Variants in CAMSAP3 observed in about 807,000 individuals in gnomAD.
The protein encoded by CAMSAP3 is calmodulin-regulated spectrin-associated protein 3.
In CAMSAP3, 34 loss-of-function variants were observed where a neutral mutation model predicts 112.5. The observed-to-expected ratio is 0.30, with a 90% CI of 0.23 to 0.40. The LOEUF is 0.40. Among genes scored for constraint, CAMSAP3 ranks in the 10% least tolerant of loss-of-function variants. The pLI is 1.00. For synonymous variants in CAMSAP3, 868 were observed against 799.8 expected, an observed-to-expected ratio of 1.09 and a Z score of -1.44; for missense variants, 1,602 against 1,770.3, an observed-to-expected ratio of 0.90 and a Z score of 1.71.
Position 7,612,190 on chromosome 19 carries a change from G to T in CAMSAP3, c.1697G>T (p.Ser566Ile). The change falls in exon 11 of 17, where the codon AGC (serine) becomes ATC (isoleucine). Residue 566 changes from serine to isoleucine, a missense_variant. Physicochemically the swap from Ser to Ile is moderately radical, Grantham distance 142. This residue lies in a region of CAMSAP3 where 1,100 missense variants were observed against 1,135.7 expected (regional missense o/e 0.97). Coordinates refer to ENST00000160298, the MANE Select transcript of CAMSAP3 (RefSeq NM_020902.2). ...AATNSEVKMT[S>I]FAERKKQLVK... Reference sequence around the variant, plus strand: ...ACCAACTCCGAGGTGAAAATGACCAGCTTTGCAGAACGCAAGAAACAGCTG... The same window carrying T: ...ACCAACTCCGAGGTGAAAATGACCATCTTTGCAGAACGCAAGAAACAGCTG... 1 of 1,608,644 alleles carries T rather than the reference G, an allele frequency of 6.2e-7. No individual in the cohort carries two copies. Among genetic ancestry groups the T allele is most frequent in the Non-Finnish European group, 8.5e-7 (1 of 1,178,042 alleles).
chr19:7,617,783 T>C lies in CAMSAP3; in HGVS notation c.3476T>C (p.Leu1159Pro), dbSNP rs1365123740. ...GAGAAAAGCAAGGCCAACCACTTCC[T>C]GATCCTCTTTCGCGACTCGAGCTGC... is the stretch of plus-strand genomic sequence containing the variant. ...EIEKSKANHFLILFRDSSCQF... is the reference protein window; with the variant it reads ...EIEKSKANHFPILFRDSSCQF... Residue 1159 changes from leucine to proline, a missense_variant, in exon 17 of 17, where the codon CTG becomes CCG. By Grantham distance (98) the Leu-to-Pro change is moderately conservative (BLOSUM62 -3). Around this residue, in one of 6 missense-constraint regions of CAMSAP3, gnomAD observed 150 missense variants for 207.6 expected, o/e 0.72. Transcript: ENST00000160298. This position sits in a 1 kb window ranked among gnomAD's most constrained non-coding sequence, Gnocchi z 7.5. The C allele has an allele frequency of 6.2e-7, 1 of 1,613,592 alleles. No homozygotes were observed. Among genetic ancestry groups the C allele is most frequent in the Admixed American group, 1.7e-5 (1 of 60,028 alleles).
At chr19:7,609,348 G>T (rs893195980) in intron 5 of CAMSAP3, among the ~76,000 whole-genome samples, 1 of 150,618 alleles carries the variant, frequency 6.6e-6, no homozygotes, top group Non-Finnish European at 1.5e-5. Flanking sequence ...ATAAAATAGA[G>T]ATGGGGTCTT....
At chr19:7,608,026 C>A in intron 4 of CAMSAP3, 100 bp from the exon 5 acceptor site, 1 of 1,440,868 alleles carries the variant, frequency 6.9e-7, no homozygotes, top group South Asian at 1.2e-5. Flanking sequence ...AGCTTCCCGC[C>A]CCCTCATGGC....
Position 7,595,895 on chromosome 19 carries a change from GGCGGCA to G in CAMSAP3, c.-102_-97del. On this transcript the variant is annotated 5_prime_UTR_variant, in exon 1 of 17. Transcript: ENST00000160298. ...GCTCAGCAGCGGCGGCGGCGGCGGCGGCGGCAGCGGCGGTAGCAGCAGCGGGCCCGG... is the reference window on the plus strand; with the variant it reads ...GCTCAGCAGCGGCGGCGGCGGCGGCGGCGGCGGTAGCAGCAGCGGGCCCGG... The G allele has an allele frequency of 2.2e-6, 1 of 460,792 alleles. No individual in the cohort carries two copies. Among genetic ancestry groups the G allele is most frequent in the Non-Finnish European group, 2.8e-6 (1 of 352,396 alleles). The allele number at this position is 460,792 out of a possible 1,614,324, so 28.5% of individuals were successfully genotyped here.
intron 1 of CAMSAP3, among the ~76,000 whole-genome samples, 187 bp from the exon 2 acceptor site, chr19:7,605,039 C>T (rs1377690694): frequency 6.6e-6 from 1 of 152,082 alleles, no homozygotes; most frequent in Non-Finnish European, 1.5e-5. Flanking sequence ...CGCCATCACC[C>T]CTTCCTCCAG....
intron 1 of CAMSAP3, among the ~76,000 whole-genome samples, chr19:7,603,950 A>G (rs560766333): frequency 1.3e-5 from 2 of 152,226 alleles, no homozygotes; most frequent in East Asian, 3.9e-4. Context: ...GCCTGGCCAA[A>G]ATGGTGATAA....
chr19:7,616,954 T>G lies in CAMSAP3; in HGVS notation c.3212+332T>G, dbSNP rs1217220851. On this transcript the variant is annotated intron_variant, in intron 14 of 16. Coordinates refer to ENST00000160298, the MANE Select transcript of CAMSAP3 (RefSeq NM_020902.2). ...CCCGCCTTTTTTTTTTTTTTTTTTT[T>G]TTTTGTTTTTTTGAGAGGGAGTCTT... Among the ~76,000 whole-genome samples the G allele has an allele frequency of 2.5e-3, 308 of 124,348 alleles. 2 individuals are homozygous for G. Among genetic ancestry groups the G allele is most frequent in the African/African-American group, 7.6e-3 (257 of 33,632 alleles). The allele number at this position is 124,348 out of a possible 152,430, so 81.6% of individuals were successfully genotyped here.
Position 7,611,986 on chromosome 19 carries a change from C to G in CAMSAP3, c.1493C>G (p.Ser498Cys), listed in dbSNP as rs2030516873. The G allele has an allele frequency of 6.2e-7, 1 of 1,612,390 alleles. No individual in the cohort carries two copies. The highest frequency in any genetic ancestry group is 8.5e-7 in the Non-Finnish European group (1 of 1,179,832). Residue 498 changes from serine to cysteine, a missense_variant, in exon 11 of 17, where the codon TCC (serine) becomes TGC (cysteine). This residue lies in a region of CAMSAP3 where 1,100 missense variants were observed against 1,135.7 expected (regional missense o/e 0.97). Coordinates refer to ENST00000160298, the MANE Select transcript of CAMSAP3 (RefSeq NM_020902.2). This position sits in a 1 kb window ranked among gnomAD's most constrained non-coding sequence, Gnocchi z 6.9. ...GGGCCCTCCAAGCCATCCCTGGCCT[C>G]CCCCTACCTGCCCGAGGGGACCTCC... Reference protein sequence around the residue: ...PEGPSKPSLASPYLPEGTSKP... With the variant: ...PEGPSKPSLACPYLPEGTSKP...
rs906661967 is a variant in CAMSAP3 at position 7,613,180 on chromosome 19, G to T, written c.2670+17G>T. On this transcript the variant is annotated intron_variant, in intron 11 of 16. Transcript: ENST00000160298. ...TTCTACAAGGTGAGTCCCCGAGCAGGTGGCTGGAGGGTCCTGGGCCTGGGG... is the reference window on the plus strand; with the variant it reads ...TTCTACAAGGTGAGTCCCCGAGCAGTTGGCTGGAGGGTCCTGGGCCTGGGG... 1.6e-5 allele frequency: 23 copies of T among 1,467,074 alleles called. No homozygotes were observed. The highest frequency in any genetic ancestry group is 2.0e-5 in the Non-Finnish European group (22 of 1,096,070). 90.9% of individuals were successfully genotyped at this position (1,467,074 alleles called of 1,614,324 possible). A position where few individuals can be genotyped will look rare whatever the true frequency, so the allele number is the denominator to read the frequency against.
At chr19:7,608,591 G>T (rs1432407876) in intron 5 of CAMSAP3, among the ~76,000 whole-genome samples, 2 of 151,738 alleles carry the variant, frequency 1.3e-5, no homozygotes, top group Non-Finnish European at 2.9e-5. Context: ...TTCACAGACG[G>T]CTCTAGCTGG....
chr19:7,616,953 T>TTTTTTTG (rs2030838432), intron 14 of CAMSAP3, among the ~76,000 whole-genome samples: 1 of 131,986 alleles, frequency 7.6e-6, no homozygotes, highest in African/African-American at 2.9e-5. Flanking sequence ...TTTTTTTTTT[T>TTTTTTTG]TTTTTGTTTT....
intron 1 of CAMSAP3, among the ~76,000 whole-genome samples, chr19:7,602,214 A>G (rs1421717473): frequency 6.6e-6 from 1 of 152,208 alleles, no homozygotes; most frequent in Non-Finnish European, 1.5e-5. Context: ...GACGTCTAGT[A>G]AATACAGACC....
At position 7,610,483 on chromosome 19, in the gene CAMSAP3, C is replaced by T. The variant is rs62113420; in HGVS notation, c.768C>T (p.Cys256=). ...CPQLLRLEEV[C]LKDPMSVADS... Reference sequence around the variant, plus strand: ...CTCCTCCTGTCCCCACAGAGGTGTGCTTGAAGGACCCCATGTCTGTGGCGG... The same window carrying T: ...CTCCTCCTGTCCCCACAGAGGTGTGTTTGAAGGACCCCATGTCTGTGGCGG... The change falls in exon 6 of 17, where the codon TGC becomes TGT. Residue 256 remains cysteine (C), a synonymous_variant. Transcript: ENST00000160298. This position sits in a 1 kb window ranked among gnomAD's most constrained non-coding sequence, Gnocchi z 4.9. 0.12 allele frequency: 192,198 copies of T among 1,611,404 alleles called. 12,446 individuals are homozygous for T. The highest frequency in any genetic ancestry group is 0.13 in the Non-Finnish European group (158,797 of 1,178,930).
At chr19:7,606,150 A>ACCCCCCCC in intron 2 of CAMSAP3, 121 bp from the exon 3 acceptor site, 1 of 265,232 alleles carries the variant, frequency 3.8e-6, no homozygotes, top group Non-Finnish European at 6.6e-6. Flanking sequence ...CGCCCCCTCA[A>ACCCCCCCC]GCCCCACCCC....
chr19:7,601,819 C>T (rs1003774632), intron 1 of CAMSAP3, among the ~76,000 whole-genome samples: 4 of 151,724 alleles, frequency 2.6e-5, no homozygotes, highest in East Asian at 1.9e-4. Context: ...AATCCCAGCA[C>T]TTTGGGAGGC....
Position 7,611,341 on chromosome 19 carries a change from G to GT in CAMSAP3, c.1123+174dup, listed in dbSNP as rs1434389945. Among the ~76,000 whole-genome samples the GT allele has an allele frequency of 1.3e-5, 2 of 152,150 alleles. No homozygotes were observed. Among genetic ancestry groups the GT allele is most frequent in the Non-Finnish European group, 2.9e-5 (2 of 68,016 alleles). On this transcript the variant is annotated intron_variant, in intron 9 of 16. Transcript: ENST00000160298. The surrounding 1 kb of genome is among the most constrained non-coding windows in gnomAD (Gnocchi z 6.9). ...CTCCCCAGTGGCCCCACAGTACCCCGTAGTGACAGTAAATGGCCCCGGGTA... is the reference window on the plus strand; with the variant it reads ...CTCCCCAGTGGCCCCACAGTACCCCGTTAGTGACAGTAAATGGCCCCGGGTA...
chr19:7,606,659 G>A, intron 4 of CAMSAP3, 88 bp downstream of exon 4: 1 of 1,547,486 alleles, frequency 6.5e-7, no homozygotes, highest in Non-Finnish European at 8.8e-7. Flanking sequence ...TCCTGAAGTG[G>A]GGAGGGGGCT....
Position 7,596,139 on chromosome 19 carries a change from T to C in CAMSAP3, c.137T>C (p.Phe46Ser). Residue 46 changes from phenylalanine (F) to serine (S), a missense_variant, in exon 1 of 17, where the codon TTC becomes TCC. Physicochemically the swap from Phe to Ser is radical, Grantham distance 155. Around this residue, in one of 6 missense-constraint regions of CAMSAP3, gnomAD observed 147 missense variants for 144.6 expected, o/e 1.02. Coordinates refer to ENST00000160298, the MANE Select transcript of CAMSAP3 (RefSeq NM_020902.2). Reference sequence around the variant, plus strand: ...CTGGCGTGGGTGCTGCGGGCCGCGTTCGGGGGCGCAGGTACCGGGGCTCGG... The same window carrying C: ...CTGGCGTGGGTGCTGCGGGCCGCGTCCGGGGGCGCAGGTACCGGGGCTCGG... ...ASLAWVLRAA[F>S]GGAEHVPPEL... 1 of 851,662 alleles carries C rather than the reference T, an allele frequency of 1.2e-6. No homozygotes were observed. Among genetic ancestry groups the C allele is most frequent in the South Asian group, 2.5e-5 (1 of 39,444 alleles). 52.8% of individuals were successfully genotyped at this position (851,662 alleles called of 1,614,324 possible). A position where few individuals can be genotyped will look rare whatever the true frequency, so the allele number is the denominator to read the frequency against.
At chr19:7,613,737 G>A (rs137898405) in intron 11 of CAMSAP3, among the ~76,000 whole-genome samples, 67 of 152,038 alleles carry the variant, frequency 4.4e-4, no homozygotes, top group Admixed American at 1.5e-3. Context: ...GATCTTCAGC[G>A]CACCTCCTTG....
Sources: gnomAD v4.1 joint callset for allele counts (sites outside exome capture counted in the v4.1 genomes callset) on GRCh38, gnomAD v4.1.1 for gene constraint, gnomAD v4.1.1 regional missense constraint, Gnocchi (gnomAD v3.1) non-coding constraint, MANE v1.5 for transcripts, NCBI Gene and HGNC (gene_info 2026-07-23, HGNC 2026-07-21) for gene names.